The following PTPRG variants were observed in gnomAD, a reference collection of about 807,000 sequenced individuals.
PTPRG encodes the protein protein tyrosine phosphatase receptor type G, also known as receptor-type tyrosine-protein phosphatase gamma.
A neutral mutation model predicts 165.3 loss-of-function variants in PTPRG; 102 were observed. That is an observed-to-expected ratio of 0.62 (90% CI 0.53 to 0.73). The LOEUF (loss-of-function observed/expected upper bound fraction) is 0.73. Among genes scored for constraint, PTPRG ranks in the 30% least tolerant of loss-of-function variants. The pLI, the probability that PTPRG is intolerant of heterozygous loss-of-function variation, is 0.00. For missense variants in PTPRG, 1,866 were observed against 1,861.4 expected (o/e 1.00, Z -0.05); for synonymous variants, 675 against 669.5 (o/e 1.01, Z -0.13).
Position 61,876,715 on chromosome 3 carries a change from C to T in PTPRG, c.191-112910C>T, listed in dbSNP as rs148614156. ...CCTGAAGTCGGGAGTTTGAGACCAG[C>T]CTGGCCAACATGGTGAAACCCTGTC... On this transcript the variant is annotated intron_variant, in intron 2 of 29. Transcript: ENST00000474889. Among the ~76,000 whole-genome samples the T allele has an allele frequency of 5.6e-4, 86 of 152,254 alleles. 1 individual carries two copies. The East Asian group carries it at 6.9e-3, about 12-fold the overall frequency.
chr3:62,270,520 C>G (rs1467991915), intron 20 of PTPRG, among the ~76,000 whole-genome samples: 1 of 152,126 alleles, frequency 6.6e-6, no homozygotes, highest in Non-Finnish European at 1.5e-5. Context: ...GGCCCACTTA[C>G]TCTTGTTTTA....
At chr3:61,952,041 C>T (rs1458027256) in intron 2 of PTPRG, among the ~76,000 whole-genome samples, 1 of 147,558 alleles carries the variant, frequency 6.8e-6, no homozygotes, top group Non-Finnish European at 1.5e-5. Context: ...TCACTTGAAC[C>T]AGGGAGTCGG....
chr3:61,793,667 C>G (rs1184426922), intron 2 of PTPRG, among the ~76,000 whole-genome samples: 1 of 152,148 alleles, frequency 6.6e-6, no homozygotes, highest in East Asian at 1.9e-4. Flanking sequence ...TAATAACAAG[C>G]TATTCTTACC....
rs1487774140 is a variant in PTPRG, at chr3:62,190,218, CGG to C, written c.1034-1248_1034-1247del. On this transcript the variant is annotated intron_variant, in intron 8 of 29. Transcript: ENST00000474889. This position sits in a 1 kb window ranked among gnomAD's most constrained non-coding sequence, Gnocchi z 5.2. ...ATTTTTGGTTGTCACAAGTTGAGGA[CGG>C]GGAGCAGAGCTACTGGCATCTAGCA... 3.9e-5 allele frequency among the ~76,000 whole-genome samples: 6 copies of C among 152,108 alleles called. No individual in the cohort carries two copies. Among genetic ancestry groups the C allele is most frequent in the Admixed American group, 3.9e-4 (6 of 15,270 alleles).
chr3:61,717,527 C>T (rs923745707), intron 1 of PTPRG, among the ~76,000 whole-genome samples: 1 of 152,128 alleles, frequency 6.6e-6, no homozygotes, highest in African/African-American at 2.4e-5. Context: ...GTGGCTCATG[C>T]CTGTAATCCC....
intron 2 of PTPRG, among the ~76,000 whole-genome samples, chr3:61,847,700 C>T (rs191222307): frequency 4.6e-5 from 7 of 152,252 alleles, no homozygotes; most frequent in African/African-American, 1.4e-4. Flanking sequence ...TTGTATGAAG[C>T]ATGTTCTTTG....
chr3:62,201,473 T>C lies in PTPRG; in HGVS notation c.1328-32T>C, dbSNP rs368622581. 19 of 1,569,504 alleles carry C rather than the reference T, an allele frequency of 1.2e-5. No individual in the cohort carries two copies. The African/African-American group carries it at 1.6e-4, about 13-fold the overall frequency. On this transcript the variant is annotated intron_variant, in intron 10 of 29. Transcript: ENST00000474889. Reference sequence around the variant, plus strand: ...CTTGTTAGAGCCACAAAAAAAGTTATATTGCTTAAATGTAATTTCTTTGTT... The same window carrying C: ...CTTGTTAGAGCCACAAAAAAAGTTACATTGCTTAAATGTAATTTCTTTGTT...
intron 4 of PTPRG, among the ~76,000 whole-genome samples, chr3:62,033,295 A>T (rs1334277761): frequency 6.6e-6 from 1 of 151,900 alleles, no homozygotes; most frequent in Non-Finnish European, 1.5e-5. Context: ...TTTCAGAGGA[A>T]GGCTTCTCTC....
intron 6 of PTPRG, among the ~76,000 whole-genome samples, chr3:62,150,647 A>T (rs1239681692): frequency 6.6e-6 from 1 of 152,146 alleles, no homozygotes; most frequent in African/African-American, 2.4e-5. Context: ...TAGGCATTTA[A>T]GGAAAAGTTA....
chr3:61,949,067 C>G (rs954316543), intron 2 of PTPRG, among the ~76,000 whole-genome samples: 1 of 149,120 alleles, frequency 6.7e-6, no homozygotes, highest in Non-Finnish European at 1.5e-5. Flanking sequence ...AGCCATGGGA[C>G]CTTAGCATGT....
At chr3:61,753,157 T>C (rs2033509490) in intron 2 of PTPRG, among the ~76,000 whole-genome samples, 1 of 152,150 alleles carries the variant, frequency 6.6e-6, no homozygotes, top group South Asian at 2.1e-4. Flanking sequence ...GGACATAATA[T>C]CTGATTTTGA....
At chr3:62,080,826 A>G (rs1286829156) in intron 5 of PTPRG, among the ~76,000 whole-genome samples, 1 of 152,132 alleles carries the variant, frequency 6.6e-6, no homozygotes, top group Non-Finnish European at 1.5e-5. Context: ...TAGGTTTTGA[A>G]TTTTTAAAGT....
At chr3:62,244,355 G>T (rs767426484) in intron 15 of PTPRG, among the ~76,000 whole-genome samples, 2 of 152,194 alleles carry the variant, frequency 1.3e-5, no homozygotes, top group Non-Finnish European at 2.9e-5. Context: ...TAAAGCACTT[G>T]GTTAGTGTTG....
At chr3:62,272,922 G>A in intron 21 of PTPRG, 24 bp from the exon 22 acceptor site, 1 of 1,562,062 alleles carries the variant, frequency 6.4e-7, no homozygotes, top group Non-Finnish European at 8.7e-7. Context: ...AAAAGTGCCA[G>A]TTGAGTGTCT....
At chr3:61,794,130 G>A (rs1285027400) in intron 2 of PTPRG, among the ~76,000 whole-genome samples, 2 of 152,036 alleles carry the variant, frequency 1.3e-5, no homozygotes, top group East Asian at 1.9e-4. Flanking sequence ...TTGCATGAAT[G>A]CTTTTATCTA....
At chr3:61,652,519 G>C (rs545982930) in intron 1 of PTPRG, among the ~76,000 whole-genome samples, 10 of 152,066 alleles carry the variant, frequency 6.6e-5, no homozygotes, top group Non-Finnish European at 1.2e-4. Flanking sequence ...ACTGGGCTAG[G>C]GTTAAGGGAT....
At chr3:62,104,856 ATGCTGGGATTAT>A (rs1473354707) in intron 5 of PTPRG, among the ~76,000 whole-genome samples, 1 of 152,180 alleles carries the variant, frequency 6.6e-6, no homozygotes. Context: ...ACCTTGCATT[ATGCTGGGATTAT>A]TGCATTGTTC....
chr3:62,252,332 C>CT lies in PTPRG; in HGVS notation c.2468-2791dup, dbSNP rs1701440634. Among the ~76,000 whole-genome samples, 1 of 152,180 alleles carries CT rather than the reference C, an allele frequency of 6.6e-6. No individual in the cohort carries two copies. Among genetic ancestry groups the CT allele is most frequent in the African/African-American group, 2.4e-5 (1 of 41,460 alleles). ...TTCATCCAGGGGTTTCCCATTCTCT[C>CT]TGAGTCGGAGCACTTTTTATCTAGG... On this transcript the variant is annotated intron_variant, in intron 15 of 29. Coordinates refer to ENST00000474889, the MANE Select transcript of PTPRG (RefSeq NM_002841.4). The surrounding 1 kb of genome is among the most constrained non-coding windows in gnomAD (Gnocchi z 4.6).
At chr3:61,970,694 T>TA (rs1034263118) in intron 2 of PTPRG, among the ~76,000 whole-genome samples, 2 of 152,054 alleles carry the variant, frequency 1.3e-5, no homozygotes, top group African/African-American at 2.4e-5. Flanking sequence ...TTTGAACTCT[T>TA]AAAAAAATTC....
Sources: gnomAD v4.1 joint callset for allele counts (sites outside exome capture counted in the v4.1 genomes callset) on GRCh38, gnomAD v4.1.1 for gene constraint, Gnocchi (gnomAD v3.1) non-coding constraint, MANE v1.5 for transcripts, NCBI Gene and HGNC (gene_info 2026-07-23, HGNC 2026-07-21) for gene names.